Variants in GRIN2B observed in about 807,000 individuals in gnomAD.
The protein encoded by GRIN2B is glutamate ionotropic receptor NMDA type subunit 2B.
Under a neutral mutation model 114.5 loss-of-function variants are expected in GRIN2B, and 5 were observed. That is an observed-to-expected ratio of 0.04 (90% CI 0.02 to 0.09). GRIN2B has a LOEUF of 0.09. Among genes scored for constraint, GRIN2B ranks in the 10% least tolerant of loss-of-function variants. The pLI is 1.00. For synonymous variants in GRIN2B, 787 were observed against 745.1 expected (o/e 1.06, Z -0.92); for missense variants, 1,108 against 1,943.5 (o/e 0.57, Z 8.08).
At chr12:13,919,917 G>T (rs374366927) in intron 2 of GRIN2B, among the ~76,000 whole-genome samples, 1 of 152,080 alleles carries the variant, frequency 6.6e-6, no homozygotes, top group African/African-American at 2.4e-5. Flanking sequence ...AGCATTTGAC[G>T]CCCTTTACCA....
intron 2 of GRIN2B, among the ~76,000 whole-genome samples, chr12:13,875,057 T>A (rs1865973529): frequency 6.6e-6 from 1 of 152,154 alleles, no homozygotes; most frequent in African/African-American, 2.4e-5. Flanking sequence ...TTCTTCCTGA[T>A]GCTCTCTCTC....
intron 11 of GRIN2B, 42 bp from the exon 12 acceptor site, chr12:13,570,059 A>G: frequency 7.4e-7 from 1 of 1,347,154 alleles, no homozygotes; most frequent in Non-Finnish European, 1.1e-6. Flanking sequence ...GAGGAATTTT[A>G]GAACAAAACT....
At chr12:13,594,697 G>A (rs1484181185) in intron 10 of GRIN2B, among the ~76,000 whole-genome samples, 6 of 151,632 alleles carry the variant, frequency 4.0e-5, no homozygotes, top group Non-Finnish European at 8.8e-5. Context: ...CGCTCACATG[G>A]AGGTGCCAGT....
At chr12:13,800,971 G>C (rs762589965) in intron 3 of GRIN2B, among the ~76,000 whole-genome samples, 1 of 152,120 alleles carries the variant, frequency 6.6e-6, no homozygotes, top group Non-Finnish European at 1.5e-5. Flanking sequence ...AGTATTAACA[G>C]TTTATACAAA....
At chr12:13,746,026 A>C (rs1863375919) in intron 4 of GRIN2B, among the ~76,000 whole-genome samples, 1 of 151,888 alleles carries the variant, frequency 6.6e-6, no homozygotes, top group Non-Finnish European at 1.5e-5. Flanking sequence ...GGAGGGAGAC[A>C]AAAAAAATTT....
chr12:13,737,044 A>AGAAG (rs1555129609), intron 4 of GRIN2B, among the ~76,000 whole-genome samples: 1 of 145,734 alleles, frequency 6.9e-6, no homozygotes, highest in Non-Finnish European at 1.5e-5. Context: ...AAAAAAAAAA[A>AGAAG]AAGAAGAAGA....
chr12:13,860,523 C>T (rs1865734614), intron 3 of GRIN2B, among the ~76,000 whole-genome samples: 1 of 152,096 alleles, frequency 6.6e-6, no homozygotes, highest in Non-Finnish European at 1.5e-5. Context: ...CGGGGTTTCA[C>T]CATGTTGGCC....
At chr12:13,712,100 C>A (rs1950419751) in intron 4 of GRIN2B, among the ~76,000 whole-genome samples, 1 of 151,852 alleles carries the variant, frequency 6.6e-6, no homozygotes, top group South Asian at 2.1e-4. Flanking sequence ...AAGCCAGAAA[C>A]CATCATTCTC....
chr12:13,627,896 A>G (rs975877935), intron 5 of GRIN2B, among the ~76,000 whole-genome samples: 4 of 152,058 alleles, frequency 2.6e-5, no homozygotes, highest in Non-Finnish European at 2.9e-5. Flanking sequence ...TCTATTCCCC[A>G]TGCACTCCTT....
intron 3 of GRIN2B, among the ~76,000 whole-genome samples, chr12:13,782,968 C>T (rs890033110): frequency 6.6e-6 from 1 of 152,214 alleles, no homozygotes; most frequent in Non-Finnish European, 1.5e-5. Flanking sequence ...AGCTCTTCCA[C>T]ATTTAGAGGA....
intron 5 of GRIN2B, among the ~76,000 whole-genome samples, chr12:13,666,085 T>G (rs779593185): frequency 6.6e-6 from 1 of 152,094 alleles, no homozygotes; most frequent in Non-Finnish European, 1.5e-5. Flanking sequence ...CACCAGAAGT[T>G]TGGTGTGAGC....
At chr12:13,796,836 C>T (rs1864425675) in intron 3 of GRIN2B, among the ~76,000 whole-genome samples, 1 of 152,146 alleles carries the variant, frequency 6.6e-6, no homozygotes, top group Non-Finnish European at 1.5e-5. Flanking sequence ...TTTCTAAGAA[C>T]ACAAATTCGG....
At chr12:13,688,145 T>A (rs2136554158) in intron 4 of GRIN2B, among the ~76,000 whole-genome samples, 1 of 152,304 alleles carries the variant, frequency 6.6e-6, no homozygotes, top group East Asian at 1.9e-4. Flanking sequence ...AAAGCCCATT[T>A]TCCTTCCAAT....
Position 13,559,419 on chromosome 12 carries a change from G to A in GRIN2B, c.*3364C>T, listed in dbSNP as rs1948512015. 1 of 152,196 alleles carries A rather than the reference G, an allele frequency of 6.6e-6. No individual in the cohort carries two copies. Among genetic ancestry groups the A allele is most frequent in the Non-Finnish European group, 1.5e-5 (1 of 68,042 alleles). 9.4% of individuals were successfully genotyped at this position (152,196 alleles called of 1,614,324 possible). On this transcript the variant is annotated 3_prime_UTR_variant, in exon 14 of 14. Transcript: ENST00000609686. Reference sequence around the variant, plus strand: ...CAACCTCCACAAAGCCAACAGTCTAGGAAAAGAAGTTCTATTTGTCTGGTT... The same window carrying A: ...CAACCTCCACAAAGCCAACAGTCTAAGAAAAGAAGTTCTATTTGTCTGGTT...
At chr12:13,939,307 T>C (rs1867190344) in intron 2 of GRIN2B, among the ~76,000 whole-genome samples, 1 of 152,078 alleles carries the variant, frequency 6.6e-6, no homozygotes, top group Admixed American at 6.6e-5. Flanking sequence ...TGTGAGGTGT[T>C]TGGGTCAGGG....
intron 4 of GRIN2B, among the ~76,000 whole-genome samples, chr12:13,725,746 G>A (rs1252426832): frequency 1.3e-5 from 2 of 152,084 alleles, no homozygotes; most frequent in East Asian, 3.9e-4. Flanking sequence ...AATTTCCAGG[G>A]AAGAGGGCCC....
intron 3 of GRIN2B, among the ~76,000 whole-genome samples, chr12:13,839,872 C>T (rs527683503): frequency 2.6e-5 from 4 of 152,134 alleles, no homozygotes; most frequent in East Asian, 1.9e-4. Context: ...TTTTATTGAA[C>T]GGTCCAGTAA....
rs139852057 is a variant in GRIN2B, at chr12:13,804,375, T to C, written c.412-50460A>G. On this transcript the variant is annotated intron_variant, in intron 3 of 13. Transcript: ENST00000609686. Reference sequence around the variant, plus strand: ...CTAAAGTTTTTACTTTCATATAGTCTTATGCCTTTTAGGTTCTCCACAATC... The same window carrying C: ...CTAAAGTTTTTACTTTCATATAGTCCTATGCCTTTTAGGTTCTCCACAATC... Among the ~76,000 whole-genome samples, 644 of 152,268 alleles carry C rather than the reference T, an allele frequency of 4.2e-3. 3 individuals carry two copies. The highest frequency in any genetic ancestry group is 0.02 in the Middle Eastern group (6 of 294).
intron 3 of GRIN2B, among the ~76,000 whole-genome samples, chr12:13,771,623 G>A (rs1008225025): frequency 6.6e-5 from 10 of 152,272 alleles, no homozygotes; most frequent in African/African-American, 2.4e-4. Context: ...TTAGCTCATA[G>A]AACTGTAAAG....
Sources: gnomAD v4.1 joint callset for allele counts (sites outside exome capture counted in the v4.1 genomes callset) on GRCh38, gnomAD v4.1.1 for gene constraint, MANE v1.5 for transcripts, NCBI Gene and HGNC (gene_info 2026-07-23, HGNC 2026-07-21) for gene names.